MACROD2: variants seen among roughly 807,000 people sequenced by gnomAD.
MACROD2 encodes the protein ADP-ribose glycohydrolase MACROD2.
MACROD2 carries 36 observed loss-of-function variants against 70.4 expected under a neutral mutation model. That is an observed-to-expected ratio of 0.51 (90% confidence interval 0.39 to 0.68). The LOEUF (loss-of-function observed/expected upper bound fraction) is 0.68. MACROD2 is among the 30% of genes least tolerant of loss of function. The pLI, the probability that MACROD2 is intolerant of heterozygous loss-of-function variation, is 0.00. For missense variants in MACROD2, 496 were observed against 538.4 expected, an observed-to-expected ratio of 0.92 and a Z score of 0.78; for synonymous variants, 172 against 178.8, an observed-to-expected ratio of 0.96 and a Z score of 0.30.
intron 5 of MACROD2, among the ~76,000 whole-genome samples, chr20:14,872,404 C>T (rs21140): frequency 0.25 from 37,879 of 151,866 alleles, 5,477 homozygotes; most frequent in Non-Finnish European, 0.33. Flanking sequence ...AAATTAGCTA[C>T]GTGCTCAGGA....
Position 14,430,543 on chromosome 20 carries a change from T to C in MACROD2, c.272-62936T>C, listed in dbSNP as rs139248892. 1.9e-3 allele frequency among the ~76,000 whole-genome samples: 283 copies of C among 150,190 alleles called. 4 individuals are homozygous for C. The South Asian group carries it at 0.031, about 16-fold the overall frequency. ...TGACTGCTAACTGGGAGGATGGCAA[T>C]GCTTTGTTCAAAACAGAAAACACAG... On this transcript the variant is annotated intron_variant, in intron 3 of 17. Transcript: ENST00000684519.
chr20:14,769,916 A>G (rs1277169275), intron 5 of MACROD2, among the ~76,000 whole-genome samples: 4 of 152,072 alleles, frequency 2.6e-5, no homozygotes, highest in Non-Finnish European at 4.4e-5. Context: ...TAAATGTCCA[A>G]TGAGTTACCC....
intron 5 of MACROD2, among the ~76,000 whole-genome samples, chr20:14,868,174 TTTC>T (rs2073448126): frequency 6.6e-6 from 1 of 150,418 alleles, no homozygotes; most frequent in Non-Finnish European, 1.5e-5. Flanking sequence ...CCCATATCTT[TTTC>T]TTTTTTCTTT....
chr20:15,296,737 A>G (rs888350153), intron 6 of MACROD2, among the ~76,000 whole-genome samples: 4 of 152,208 alleles, frequency 2.6e-5, no homozygotes, highest in Admixed American at 6.5e-5. Context: ...CTGATCCCTA[A>G]GAAGAATATC....
chr20:14,512,491 G>A (rs1305078275), intron 4 of MACROD2, among the ~76,000 whole-genome samples: 3 of 151,962 alleles, frequency 2.0e-5, no homozygotes, highest in Admixed American at 2.0e-4. Flanking sequence ...GTGGAGGGAG[G>A]AAAAAGTAAA....
chr20:15,702,013 A>G (rs2050467883), intron 8 of MACROD2, among the ~76,000 whole-genome samples: 1 of 152,134 alleles, frequency 6.6e-6, no homozygotes, highest in African/African-American at 2.4e-5. Flanking sequence ...TTTTATGGCT[A>G]TGTAGTATTC....
chr20:14,359,564 T>G (rs2083203328), intron 3 of MACROD2, among the ~76,000 whole-genome samples: 1 of 152,244 alleles, frequency 6.6e-6, no homozygotes, highest in Non-Finnish European at 1.5e-5. Context: ...AACCTAAGTA[T>G]TCATCAATGG....
Position 16,041,192 on chromosome 20 carries a change from C to G in MACROD2, c.1154-9C>G. On this transcript the variant is annotated splice_polypyrimidine_tract_variant and intron_variant, in intron 15 of 17. Transcript: ENST00000684519. The stretch of plus-strand genomic sequence containing the variant: ...ATTCATCAGGGACTGTGGTCTTTTT[C>G]TCTTCCAGCTCCAGGCGAGGACACA... 1 of 1,609,766 alleles carries G rather than the reference C, an allele frequency of 6.2e-7. No homozygotes were observed. The highest frequency in any genetic ancestry group is 8.5e-7 in the Non-Finnish European group (1 of 1,177,878).
chr20:14,577,172 A>G (rs1980653808), intron 4 of MACROD2, among the ~76,000 whole-genome samples: 1 of 152,232 alleles, frequency 6.6e-6, no homozygotes, highest in African/African-American at 2.4e-5. Flanking sequence ...AGGCCACTGG[A>G]TGGCCAAATC....
intron 8 of MACROD2, among the ~76,000 whole-genome samples, chr20:15,578,427 A>T (rs1184008312): frequency 6.6e-6 from 1 of 152,168 alleles, no homozygotes. Context: ...CCTACTCATG[A>T]GGTGGTTGTG....
intron 4 of MACROD2, among the ~76,000 whole-genome samples, chr20:14,571,675 T>C (rs945721902): frequency 8.5e-5 from 13 of 152,062 alleles, no homozygotes; most frequent in African/African-American, 1.2e-4. Flanking sequence ...AGAATTGGAA[T>C]ATAGATAAGT....
At chr20:15,462,551 G>A (rs1224463731) in intron 7 of MACROD2, among the ~76,000 whole-genome samples, 1 of 152,160 alleles carries the variant, frequency 6.6e-6, no homozygotes, top group East Asian at 1.9e-4. Context: ...GGAAAGGCAA[G>A]TTCTATTAAT....
rs1242097446 is a variant in MACROD2, at chr20:14,916,978, A to G, written c.418+232019A>G. ...AAATAGGCACCTTGATTGGTCATGC[A>G]AACTTAACTCTCTGTGGCACATACT... On this transcript the variant is annotated intron_variant, in intron 5 of 17. Transcript: ENST00000684519. Among the ~76,000 whole-genome samples the G allele has an allele frequency of 2.6e-5, 4 of 152,048 alleles. No homozygotes were observed. The East Asian group carries it at 7.7e-4, about 29-fold the overall frequency.
intron 8 of MACROD2, among the ~76,000 whole-genome samples, chr20:15,737,805 ACCTTGG>A (rs2051044831): frequency 6.6e-6 from 1 of 152,118 alleles, no homozygotes; most frequent in Admixed American, 6.6e-5. Context: ...TCAAAACTGA[ACCTTGG>A]GGAATAGACA....
chr20:14,390,220 T>C (rs2083512013), intron 3 of MACROD2, among the ~76,000 whole-genome samples: 1 of 152,032 alleles, frequency 6.6e-6, no homozygotes, highest in Admixed American at 6.6e-5. Flanking sequence ...AGGAGAAGTA[T>C]AAACCATTGC....
chr20:15,278,904 A>G (rs1398193843), intron 6 of MACROD2, among the ~76,000 whole-genome samples: 1 of 152,198 alleles, frequency 6.6e-6, no homozygotes, highest in Non-Finnish European at 1.5e-5. Flanking sequence ...TGCATGTGTC[A>G]CAGTGTTTTG....
chr20:14,769,167 T>C (rs1037468281), intron 5 of MACROD2, among the ~76,000 whole-genome samples: 1 of 152,060 alleles, frequency 6.6e-6, no homozygotes, highest in African/African-American at 2.4e-5. Context: ...GTTTGAAAAA[T>C]GAAGGTCTAC....
chr20:15,522,175 T>C (rs1196875922), intron 8 of MACROD2, among the ~76,000 whole-genome samples: 1 of 152,198 alleles, frequency 6.6e-6, no homozygotes, highest in Non-Finnish European at 1.5e-5. Context: ...AGCCGCCAAC[T>C]CTGTGCTTGC....
At chr20:15,679,057 T>G (rs2050120845) in intron 8 of MACROD2, among the ~76,000 whole-genome samples, 1 of 151,840 alleles carries the variant, frequency 6.6e-6, no homozygotes, top group South Asian at 2.1e-4. Flanking sequence ...GTCAGCATGG[T>G]GAAACCCCAT....
Sources: gnomAD v4.1 joint callset for allele counts (sites outside exome capture counted in the v4.1 genomes callset) on GRCh38, gnomAD v4.1.1 for gene constraint, MANE v1.5 for transcripts, NCBI Gene and HGNC (gene_info 2026-07-23, HGNC 2026-07-21) for gene names.